SUMF1: variants seen among roughly 807,000 people sequenced by gnomAD.
The protein encoded by SUMF1 is sulfatase modifying factor 1, also known as formylglycine-generating enzyme.
Under a neutral mutation model 47.6 loss-of-function variants are expected in SUMF1, and 48 were observed. That is an observed-to-expected ratio of 1.01 (90% CI 0.80 to 1.28). The LOEUF (loss-of-function observed/expected upper bound fraction) is 1.28. Ranked by LOEUF, SUMF1 falls within the 50% of genes most tolerant of loss-of-function variation. The probability of loss-of-function intolerance (pLI) is 0.00; values close to 1 mark genes in which losing one functional copy is unlikely to be tolerated. For missense variants in SUMF1, 571 were observed against 485.4 expected, an observed-to-expected ratio of 1.18 and a Z score of -1.66; for synonymous variants, 230 against 192.1, an observed-to-expected ratio of 1.20 and a Z score of -1.63.
chr3:4,238,853 C>G (rs1282867797), intron 8 of SUMF1, among the ~76,000 whole-genome samples: 1 of 152,082 alleles, frequency 6.6e-6, no homozygotes, highest in Admixed American at 6.6e-5. Context: ...TTTGCCCATG[C>G]CTATGTCCTG....
At chr3:4,253,938 C>T (rs996881151) in intron 8 of SUMF1, among the ~76,000 whole-genome samples, 1 of 150,536 alleles carries the variant, frequency 6.6e-6, no homozygotes, top group Non-Finnish European at 1.5e-5. Context: ...ACTGCCTCCT[C>T]AAGTGGGTCC....
intron 6 of SUMF1, among the ~76,000 whole-genome samples, chr3:4,414,352 A>C (rs1435346179): frequency 6.6e-6 from 1 of 152,200 alleles, no homozygotes; most frequent in Non-Finnish European, 1.5e-5. Context: ...ATGAGACCTG[A>C]AATAATAAAT....
intron 8 of SUMF1, among the ~76,000 whole-genome samples, chr3:4,258,190 A>G (rs1420575853): frequency 8.7e-5 from 13 of 149,692 alleles, no homozygotes; most frequent in African/African-American, 3.3e-4. Context: ...ACCATTCAGG[A>G]CATAGGCACG....
intron 8 of SUMF1, among the ~76,000 whole-genome samples, chr3:4,289,879 A>T (rs1176807327): frequency 1.3e-5 from 2 of 152,254 alleles, no homozygotes; most frequent in Non-Finnish European, 2.9e-5. Context: ...CTTTATTATG[A>T]ATGACTCTAG....
chr3:4,195,089 T>C (rs1038731304), intron 8 of SUMF1, among the ~76,000 whole-genome samples: 1 of 152,146 alleles, frequency 6.6e-6, no homozygotes. Context: ...CTCAAGTGCT[T>C]ATCTGTCTGT....
chr3:4,089,661 C>A (rs933323026), intron 8 of SUMF1, among the ~76,000 whole-genome samples: 1 of 152,080 alleles, frequency 6.6e-6, no homozygotes, highest in South Asian at 2.1e-4. Flanking sequence ...AAGTGATATA[C>A]CAGAGATCCT....
At chr3:4,177,259 G>A (rs1366612102) in intron 8 of SUMF1, among the ~76,000 whole-genome samples, 1 of 151,948 alleles carries the variant, frequency 6.6e-6, no homozygotes, top group African/African-American at 2.4e-5. Flanking sequence ...CCACATCACA[G>A]TTATTCTAAA....
At chr3:4,134,167 T>G (rs1409526626) in intron 8 of SUMF1, among the ~76,000 whole-genome samples, 1 of 152,112 alleles carries the variant, frequency 6.6e-6, no homozygotes, top group Non-Finnish European at 1.5e-5. Context: ...GAATATACAT[T>G]CCTTTCAGCA....
chr3:4,088,977 T>C (rs895325937), intron 8 of SUMF1, among the ~76,000 whole-genome samples: 2 of 152,108 alleles, frequency 1.3e-5, no homozygotes, highest in Non-Finnish European at 2.9e-5. Flanking sequence ...ATTTAAGTCA[T>C]GGACTATCCT....
intron 8 of SUMF1, among the ~76,000 whole-genome samples, chr3:4,210,645 A>G (rs181188123): frequency 1.8e-4 from 28 of 152,216 alleles, no homozygotes; most frequent in Non-Finnish European, 3.7e-4. Flanking sequence ...TCAGGGGTAT[A>G]TGTGCATGTT....
intron 7 of SUMF1, among the ~76,000 whole-genome samples, chr3:4,378,757 A>T (rs1269783631): frequency 6.6e-6 from 1 of 152,200 alleles, no homozygotes; most frequent in Non-Finnish European, 1.5e-5. Flanking sequence ...CTCGCTTAAC[A>T]ATTCTTGCAT....
downstream of SUMF1, among the ~76,000 whole-genome samples, chr3:4,360,064 T>C (rs914575495): frequency 2.6e-5 from 4 of 152,074 alleles, no homozygotes; most frequent in African/African-American, 9.7e-5. Context: ...GAATTCAAAA[T>C]AGACACACCA....
At chr3:4,272,432 G>T (rs1026970873) in intron 8 of SUMF1, among the ~76,000 whole-genome samples, 1 of 152,152 alleles carries the variant, frequency 6.6e-6, no homozygotes, top group East Asian at 1.9e-4. Flanking sequence ...TCAACCAGCC[G>T]TTGGATACAG....
intron 8 of SUMF1, among the ~76,000 whole-genome samples, chr3:4,284,016 G>A (rs1295313437): frequency 6.6e-6 from 1 of 152,040 alleles, no homozygotes; most frequent in Non-Finnish European, 1.5e-5. Context: ...TCACCTTGGG[G>A]GTTAGGATTT....
intron 8 of SUMF1, among the ~76,000 whole-genome samples, chr3:4,151,413 G>GTA (rs1171990502): frequency 4.5e-4 from 64 of 141,266 alleles, no homozygotes; most frequent in East Asian, 3.6e-3. Flanking sequence ...ATGTATATAT[G>GTA]TATATATGTG....
At chr3:4,162,211 C>A (rs1694593910) in intron 8 of SUMF1, among the ~76,000 whole-genome samples, 1 of 152,174 alleles carries the variant, frequency 6.6e-6, no homozygotes, top group Non-Finnish European at 1.5e-5. Flanking sequence ...TTACTCCTCC[C>A]TCTCCTCTCC....
chr3:4,115,304 C>T (rs1435055307), intron 8 of SUMF1, among the ~76,000 whole-genome samples: 5 of 152,090 alleles, frequency 3.3e-5, no homozygotes, highest in African/African-American at 9.7e-5. Context: ...TACTTCTACT[C>T]AACGAAACTC....
At chr3:4,263,616 C>T (rs949890531) in intron 8 of SUMF1, among the ~76,000 whole-genome samples, 2 of 152,164 alleles carry the variant, frequency 1.3e-5, no homozygotes, top group African/African-American at 4.8e-5. Context: ...TTCTTTCACC[C>T]AGTTCACTGG....
Position 4,402,432 on chromosome 3 carries a change from T to G in SUMF1, c.954+8433A>C, listed in dbSNP as rs1310398873. ...CATAGTGCATCTTGATTCATCTGAT[T>G]GGCACTCAATCTTTCCTCAACAAAC... On this transcript the variant is annotated intron_variant, in intron 7 of 8. Coordinates refer to ENST00000272902, the MANE Select transcript of SUMF1 (RefSeq NM_182760.4). 2.0e-5 allele frequency among the ~76,000 whole-genome samples: 3 copies of G among 152,336 alleles called. No individual in the cohort carries two copies. In the East Asian group the frequency reaches 5.8e-4, roughly 29 times the overall value.
Sources: gnomAD v4.1 joint callset for allele counts (sites outside exome capture counted in the v4.1 genomes callset) on GRCh38, gnomAD v4.1.1 for gene constraint, MANE v1.5 for transcripts, NCBI Gene and HGNC (gene_info 2026-07-23, HGNC 2026-07-21) for gene names.